Variants in CACNA2D3 observed in about 807,000 individuals in gnomAD.
CACNA2D3 encodes the protein calcium voltage-gated channel auxiliary subunit alpha2delta 3.
A neutral mutation model predicts 160.6 loss-of-function variants in CACNA2D3; 60 were observed. That is an observed-to-expected ratio of 0.37 (90% CI 0.30 to 0.46). CACNA2D3 has a LOEUF of 0.46. CACNA2D3 is among the 20% of genes least tolerant of loss of function. The pLI is 1.00. For missense variants in CACNA2D3, 1,205 were observed against 1,365.0 expected (o/e 0.88, Z 1.85); for synonymous variants, 558 against 492.9 (o/e 1.13, Z -1.75).
intron 5 of CACNA2D3, among the ~76,000 whole-genome samples, chr3:54,542,967 C>T (rs773409559): frequency 1.3e-5 from 2 of 152,122 alleles, no homozygotes; most frequent in South Asian, 2.1e-4. Context: ...TGGTCATATT[C>T]GTTGGAATTA....
At chr3:54,155,529 TAA>T (rs1700230311) in intron 2 of CACNA2D3, among the ~76,000 whole-genome samples, 1 of 152,150 alleles carries the variant, frequency 6.6e-6, no homozygotes, top group Non-Finnish European at 1.5e-5. Context: ...CACTGGGAAA[TAA>T]AGAAGAACAA....
rs186797630 is a variant in CACNA2D3 at position 54,271,993 on chromosome 3, G to A, written c.205-48449G>A. ...TTTATCTAGATAGTGATCAGGGAGCGAGCTGTTTTCATCTTGTTTCAGTAT... is the reference window on the plus strand; with the variant it reads ...TTTATCTAGATAGTGATCAGGGAGCAAGCTGTTTTCATCTTGTTTCAGTAT... On this transcript the variant is annotated intron_variant, in intron 2 of 37. Coordinates refer to ENST00000474759, the MANE Select transcript of CACNA2D3 (RefSeq NM_018398.3). Among the ~76,000 whole-genome samples the A allele has an allele frequency of 5.1e-4, 78 of 152,292 alleles. 1 individual carries two copies. Among genetic ancestry groups the A allele is most frequent in the African/African-American group, 1.8e-3 (76 of 41,558 alleles).
At chr3:55,061,027 T>C (rs778381588) in intron 35 of CACNA2D3, among the ~76,000 whole-genome samples, 31 of 151,344 alleles carry the variant, frequency 2.0e-4, no homozygotes, top group Non-Finnish European at 3.8e-4. Flanking sequence ...TAAATCTCAA[T>C]AAATCCTTGT....
chr3:54,690,207 T>C (rs1252575382), intron 11 of CACNA2D3, among the ~76,000 whole-genome samples: 1 of 152,102 alleles, frequency 6.6e-6, no homozygotes, highest in Non-Finnish European at 1.5e-5. Flanking sequence ...TGTCATCAGA[T>C]TTATTTTTCT....
chr3:54,594,996 G>GA (rs2106762210), intron 9 of CACNA2D3, among the ~76,000 whole-genome samples: 1 of 152,178 alleles, frequency 6.6e-6, no homozygotes, highest in Non-Finnish European at 1.5e-5. Context: ...TTACCTTTCC[G>GA]GCATGGTTCA....
intron 21 of CACNA2D3, 145 bp from the exon 22 acceptor site, chr3:54,885,136 A>C (rs1699891730): frequency 1.4e-6 from 1 of 726,070 alleles, no homozygotes; most frequent in Non-Finnish European, 2.3e-6. Flanking sequence ...TTCCTCAGAA[A>C]ATAAACCTGC....
intron 35 of CACNA2D3, among the ~76,000 whole-genome samples, chr3:55,060,619 G>A (rs941902799): frequency 3.9e-5 from 6 of 152,130 alleles, no homozygotes; most frequent in Admixed American, 6.5e-5. Context: ...TAAACACTCC[G>A]TAAATGTTAG....
chr3:54,589,822 A>C (rs1702827059), intron 9 of CACNA2D3, among the ~76,000 whole-genome samples: 1 of 152,186 alleles, frequency 6.6e-6, no homozygotes. Context: ...TTAGCCATGA[A>C]GGGAATGAAA....
chr3:54,711,782 C>T (rs1454438853), intron 11 of CACNA2D3, among the ~76,000 whole-genome samples: 1 of 152,246 alleles, frequency 6.6e-6, no homozygotes, highest in Admixed American at 6.5e-5. Context: ...TGCCCTTCCT[C>T]ATCTGCTGCT....
chr3:55,017,647 A>C (rs764035214), intron 34 of CACNA2D3, among the ~76,000 whole-genome samples: 1 of 152,204 alleles, frequency 6.6e-6, no homozygotes, highest in Non-Finnish European at 1.5e-5. Context: ...CCGAGTGCCT[A>C]CTATGTGCTC....
intron 11 of CACNA2D3, among the ~76,000 whole-genome samples, chr3:54,730,052 T>C (rs1701357951): frequency 6.6e-6 from 1 of 151,856 alleles, no homozygotes; most frequent in Non-Finnish European, 1.5e-5. Context: ...TTTATTTTCA[T>C]TTAATTTTAT....
At chr3:54,664,569 A>C (rs1457421214) in intron 11 of CACNA2D3, among the ~76,000 whole-genome samples, 1 of 152,158 alleles carries the variant, frequency 6.6e-6, no homozygotes, top group African/African-American at 2.4e-5. Context: ...TTATAAGTTA[A>C]CTGCAAATGA....
At chr3:54,514,726 C>T (rs919389557) in intron 5 of CACNA2D3, among the ~76,000 whole-genome samples, 3 of 151,404 alleles carry the variant, frequency 2.0e-5, no homozygotes, top group Non-Finnish European at 4.4e-5. Context: ...CACTTAGGCC[C>T]GCTGCCATCT....
At chr3:54,872,058 C>T (rs1219839443) in intron 18 of CACNA2D3, among the ~76,000 whole-genome samples, 2 of 152,206 alleles carry the variant, frequency 1.3e-5, no homozygotes, top group Non-Finnish European at 2.9e-5. Context: ...CTCATTGGCA[C>T]AGCCCTTGTT....
intron 17 of CACNA2D3, among the ~76,000 whole-genome samples, chr3:54,850,812 A>G (rs939554007): frequency 4.6e-5 from 7 of 152,230 alleles, no homozygotes; most frequent in African/African-American, 1.7e-4. Context: ...CTGCAAACCC[A>G]GGAGATGAGG....
intron 27 of CACNA2D3, chr3:54,918,836 G>C: frequency 6.3e-7 from 1 of 1,588,446 alleles, no homozygotes; most frequent in Non-Finnish European, 8.6e-7. Flanking sequence ...ATCCTAAGGA[G>C]GTCCTTTCCC....
At chr3:54,786,757 T>TA (rs1348037599) in intron 13 of CACNA2D3, among the ~76,000 whole-genome samples, 4 of 152,164 alleles carry the variant, frequency 2.6e-5, no homozygotes, top group African/African-American at 4.8e-5. Context: ...TATCCATGGT[T>TA]AAAAAAACAC....
intron 4 of CACNA2D3, among the ~76,000 whole-genome samples, chr3:54,388,349 C>T (rs1215870247): frequency 1.3e-5 from 2 of 152,170 alleles, no homozygotes; most frequent in Admixed American, 1.3e-4. Flanking sequence ...TGGCTGAATC[C>T]AGCTGTTGGT....
chr3:54,999,365 A>G (rs752244593), intron 31 of CACNA2D3, among the ~76,000 whole-genome samples: 3 of 152,126 alleles, frequency 2.0e-5, no homozygotes, highest in Non-Finnish European at 4.4e-5. Context: ...TTCCTCCCCC[A>G]TGCCTTTTCA....
Sources: allele counts gnomAD v4.1 joint callset (sites outside exome capture counted in the v4.1 genomes callset), GRCh38; gene constraint gnomAD v4.1.1; transcripts MANE v1.5; gene names NCBI Gene and HGNC (gene_info 2026-07-23, HGNC 2026-07-21).